The following SLIT2 variants were observed in gnomAD, a reference collection of about 807,000 sequenced individuals.
SLIT2 encodes slit guidance ligand 2.
A neutral mutation model predicts 185.7 loss-of-function variants in SLIT2; 41 were observed. The ratio of observed to expected loss-of-function variants is 0.22; its 90% CI spans 0.17 to 0.29. SLIT2 has a LOEUF of 0.29. Among genes scored for constraint, SLIT2 ranks in the 10% least tolerant of loss-of-function variants. SLIT2 has a pLI of 1.00. For synonymous variants in SLIT2, 693 were observed against 680.2 expected, an observed-to-expected ratio of 1.02 and a Z score of -0.29; for missense variants, 1,571 against 1,909.0, an observed-to-expected ratio of 0.82 and a Z score of 3.30.
chr4:20,382,211 C>T (rs138790343), intron 4 of SLIT2, among the ~76,000 whole-genome samples: 18 of 152,162 alleles, frequency 1.2e-4, no homozygotes, highest in African/African-American at 4.3e-4. Flanking sequence ...GGAACTTCTG[C>T]AAACTGACAA....
chr4:20,445,893 C>T (rs963385401), intron 4 of SLIT2, among the ~76,000 whole-genome samples: 1 of 152,116 alleles, frequency 6.6e-6, no homozygotes, highest in Non-Finnish European at 1.5e-5. Context: ...GGGCTAAAAG[C>T]GGCAAAGTAT....
chr4:20,430,924 A>G (rs1242557573), intron 4 of SLIT2, among the ~76,000 whole-genome samples: 1 of 152,144 alleles, frequency 6.6e-6, no homozygotes, highest in Non-Finnish European at 1.5e-5. Context: ...GACACTCACT[A>G]ACTCTTTCCT....
chr4:20,500,713 T>C (rs1376512590), intron 9 of SLIT2, among the ~76,000 whole-genome samples: 1 of 152,200 alleles, frequency 6.6e-6, no homozygotes, highest in Non-Finnish European at 1.5e-5. Context: ...AGGAAAATTC[T>C]TTTAATTTTT....
chr4:20,352,450 G>GT (rs1433995075), intron 4 of SLIT2, among the ~76,000 whole-genome samples: 1 of 151,988 alleles, frequency 6.6e-6, no homozygotes, highest in Admixed American at 6.6e-5. Flanking sequence ...TTGTTAATAC[G>GT]TAACAACTAC....
chr4:20,463,883 A>G (rs1423750986), intron 4 of SLIT2, among the ~76,000 whole-genome samples: 4 of 151,662 alleles, frequency 2.6e-5, no homozygotes, highest in African/African-American at 9.7e-5. Flanking sequence ...CTCAAAAAAA[A>G]AAAAAAAAAA....
chr4:20,477,096 A>G (rs1180043037), intron 5 of SLIT2, among the ~76,000 whole-genome samples: 2 of 151,902 alleles, frequency 1.3e-5, no homozygotes, highest in Non-Finnish European at 2.9e-5. Flanking sequence ...AGCGCTGGTA[A>G]AAACCAAAAT....
chr4:20,605,436 A>G (rs1323587710), intron 33 of SLIT2, among the ~76,000 whole-genome samples: 1 of 152,228 alleles, frequency 6.6e-6, no homozygotes, highest in Non-Finnish European at 1.5e-5. Flanking sequence ...TAAACCTTAT[A>G]GTAACAGTAA....
Position 20,382,488 on chromosome 4 carries a change from A to C in SLIT2, c.396-85264A>C, listed in dbSNP as rs557170893. Among the ~76,000 whole-genome samples the C allele has an allele frequency of 2.9e-4, 44 of 152,290 alleles. No homozygotes were observed. In the South Asian group the frequency reaches 3.7e-3, roughly 13 times the overall value. ...CGGTTTACCAAGTTAGCAGTATGCAAGATTAATGTATAAAAAATATATTTT... is the reference window on the plus strand; with the variant it reads ...CGGTTTACCAAGTTAGCAGTATGCACGATTAATGTATAAAAAATATATTTT... On this transcript the variant is annotated intron_variant, in intron 4 of 36. Coordinates refer to ENST00000504154, the MANE Select transcript of SLIT2 (RefSeq NM_004787.4).
intron 5 of SLIT2, among the ~76,000 whole-genome samples, chr4:20,473,233 A>G (rs1250748458): frequency 7.1e-6 from 1 of 141,292 alleles, no homozygotes; most frequent in Non-Finnish European, 1.6e-5. Context: ...CATTATCTCA[A>G]TTCCATTAAC....
In SLIT2 at chr4:20,528,588, T is replaced by C. The variant is rs1721506663; in HGVS notation, c.1463-361T>C. Among the ~76,000 whole-genome samples the C allele has an allele frequency of 6.6e-6, 1 of 152,208 alleles. No homozygotes were observed. Among genetic ancestry groups the C allele is most frequent in the African/African-American group, 2.4e-5 (1 of 41,446 alleles). On this transcript the variant is annotated intron_variant, in intron 15 of 36. Transcript: ENST00000504154. The surrounding 1 kb of genome is among the most constrained non-coding windows in gnomAD (Gnocchi z 4.2). ...CAATGAGATATAGGATCATGTTTAT[T>C]ACTGGATATATTTTCAATTCTTGAC...
intron 4 of SLIT2, among the ~76,000 whole-genome samples, chr4:20,292,496 A>G (rs1054455692): frequency 6.6e-6 from 1 of 152,182 alleles, no homozygotes; most frequent in East Asian, 1.9e-4. Flanking sequence ...TCTCAAAAGA[A>G]GAAGAAGGAG....
rs10673597 is a variant in SLIT2 at position 20,573,938 on chromosome 4, T to TTTTATTTATTTATTTATTTATTTA, written c.3088+4945_3088+4968dup. On this transcript the variant is annotated intron_variant, in intron 29 of 36. Transcript: ENST00000504154. Reference sequence around the variant, plus strand: ...CCCAAGAACGTGAGTCATAGAATTATTTTATTTATTTATTTATTTATTTAT... The same window carrying TTTTATTTATTTATTTATTTATTTA: ...CCCAAGAACGTGAGTCATAGAATTATTTTATTTATTTATTTATTTATTTATTTATTTATTTATTTATTTATTTAT... Among the ~76,000 whole-genome samples, 13 of 140,768 alleles carry TTTTATTTATTTATTTATTTATTTA rather than the reference T, an allele frequency of 9.2e-5. 1 individual carries two copies. Among genetic ancestry groups the TTTTATTTATTTATTTATTTATTTA allele is most frequent in the African/African-American group, 2.4e-4 (9 of 37,464 alleles). The allele number at this position is 140,768 out of a possible 152,430, so 92.3% of individuals were successfully genotyped here.
In SLIT2 at chr4:20,428,911, A is replaced by G. The variant is rs371192831; in HGVS notation, c.396-38841A>G. ...CTGGTCACTGCAGTTGTCAGTATCAATTGGGGATTAGGAGGGCCTGTGGCC... is the reference window on the plus strand; with the variant it reads ...CTGGTCACTGCAGTTGTCAGTATCAGTTGGGGATTAGGAGGGCCTGTGGCC... On this transcript the variant is annotated intron_variant, in intron 4 of 36. Coordinates refer to ENST00000504154, the MANE Select transcript of SLIT2 (RefSeq NM_004787.4). 2.0e-4 allele frequency among the ~76,000 whole-genome samples: 30 copies of G among 152,314 alleles called. No individual in the cohort carries two copies. In the East Asian group the frequency reaches 5.2e-3, roughly 26 times the overall value.
In SLIT2 at chr4:20,467,711, A is replaced by G. The variant is rs200491781; in HGVS notation, c.396-41A>G. The G allele has an allele frequency of 6.7e-5, 80 of 1,201,252 alleles. 1 individual carries two copies. In the East Asian group the frequency reaches 1.7e-3, roughly 25 times the overall value. The allele number at this position is 1,201,252 out of a possible 1,614,324, so 74.4% of individuals were successfully genotyped here. ...TTTGGATTAAAATAATCTTTAAATAATATTTTCTAACGTGATCCTTTTTGT... is the reference window on the plus strand; with the variant it reads ...TTTGGATTAAAATAATCTTTAAATAGTATTTTCTAACGTGATCCTTTTTGT... On this transcript the variant is annotated intron_variant, in intron 4 of 36. Coordinates refer to ENST00000504154, the MANE Select transcript of SLIT2 (RefSeq NM_004787.4).
intron 4 of SLIT2, among the ~76,000 whole-genome samples, chr4:20,324,452 A>G (rs1316454865): frequency 6.6e-6 from 1 of 152,178 alleles, no homozygotes; most frequent in East Asian, 1.9e-4. Context: ...TCCTTTTAAA[A>G]TTCTTCCTTA....
At chr4:20,426,897 G>A (rs958228231) in intron 4 of SLIT2, among the ~76,000 whole-genome samples, 1 of 152,150 alleles carries the variant, frequency 6.6e-6, no homozygotes, top group East Asian at 1.9e-4. Context: ...AGAGAGGCAG[G>A]TAAATTGCCC....
intron 34 of SLIT2, among the ~76,000 whole-genome samples, chr4:20,612,877 C>A (rs1377923423): frequency 1.4e-5 from 2 of 144,798 alleles, no homozygotes; most frequent in South Asian, 2.2e-4. Context: ...GAGATCGCAC[C>A]ACTGCACTCC....
intron 8 of SLIT2, among the ~76,000 whole-genome samples, chr4:20,490,455 G>T: frequency 6.6e-6 from 1 of 151,214 alleles, no homozygotes; most frequent in East Asian, 1.9e-4. Flanking sequence ...GGGTGTGTGT[G>T]TATATATATA....
chr4:20,346,071 C>T (rs928826713), intron 4 of SLIT2, among the ~76,000 whole-genome samples: 5 of 152,078 alleles, frequency 3.3e-5, no homozygotes, highest in African/African-American at 1.2e-4. Context: ...ATGGCTACTG[C>T]AGCCTCGAAC....
Sources: gnomAD v4.1 joint callset for allele counts (sites outside exome capture counted in the v4.1 genomes callset) on GRCh38, gnomAD v4.1.1 for gene constraint, Gnocchi (gnomAD v3.1) non-coding constraint, MANE v1.5 for transcripts, NCBI Gene and HGNC (gene_info 2026-07-23, HGNC 2026-07-21) for gene names.